PTPRE: variants seen among roughly 807,000 people sequenced by gnomAD.
PTPRE encodes the protein receptor-type tyrosine-protein phosphatase epsilon.
Under a neutral mutation model 102.0 loss-of-function variants are expected in PTPRE, and 51 were observed. The ratio of observed to expected loss-of-function variants is 0.50; its 90% confidence interval spans 0.40 to 0.63. PTPRE has a LOEUF of 0.63. Ranked by LOEUF, PTPRE falls within the 30% of genes least tolerant of loss-of-function variation. PTPRE has a pLI of 0.00. For synonymous variants in PTPRE, 345 were observed against 348.2 expected (o/e 0.99, Z 0.10); for missense variants, 752 against 915.1 (o/e 0.82, Z 2.30).
chr10:128,077,832 C>A (rs753795577), intron 19 of PTPRE, 49 bp downstream of exon 19: 1 of 1,536,460 alleles, frequency 6.5e-7, no homozygotes, highest in Non-Finnish European at 8.8e-7. Context: ...ACAGGCTGCA[C>A]CCCCCCAGTA....
rs1472822076 is a variant in PTPRE, at chr10:128,047,750, C to T, written c.210-14C>T. On this transcript the variant is annotated splice_polypyrimidine_tract_variant and intron_variant, in intron 4 of 20. Coordinates refer to ENST00000254667, the MANE Select transcript of PTPRE (RefSeq NM_006504.6). The stretch of plus-strand genomic sequence containing the variant: ...CTAGAAGTGTGGAAACCTAACGCAT[C>T]CTGTGTCTCTAAGGTTCAGGAAGCA... 6.2e-7 allele frequency: 1 copy of T among 1,611,828 alleles called. No homozygotes were observed. The highest frequency in any genetic ancestry group is 2.2e-5 in the East Asian group (1 of 44,778).
At chr10:128,082,070 A>G (rs1026484503) in intron 20 of PTPRE, among the ~76,000 whole-genome samples, 2 of 152,164 alleles carry the variant, frequency 1.3e-5, no homozygotes, top group African/African-American at 2.4e-5. Context: ...TATATATAAA[A>G]CAATGTCCCT....
rs1312075473 is a variant in PTPRE, at chr10:127,907,963, A to C, written c.-31+654A>C. Among the ~76,000 whole-genome samples the C allele has an allele frequency of 6.6e-6, 1 of 152,158 alleles. No individual in the cohort carries two copies. The highest frequency in any genetic ancestry group is 1.9e-4 in the East Asian group (1 of 5,164). On this transcript the variant is annotated intron_variant, in intron 1 of 20. Transcript: ENST00000254667. This position sits in a 1 kb window ranked among gnomAD's most constrained non-coding sequence, Gnocchi z 4.8. ...GACCTCACAGGGCTCCTGAGCACAG[A>C]TGCGAGCGCGGTGCCAATTCTGAGA...
At chr10:128,062,668 A>G (rs144318251) in intron 9 of PTPRE, among the ~76,000 whole-genome samples, 48 of 152,340 alleles carry the variant, frequency 3.2e-4, no homozygotes, top group African/African-American at 1.1e-3. Flanking sequence ...ACTTTAGCTC[A>G]TATCGTATTG....
chr10:127,951,803 T>TG (rs1369391925), intron 1 of PTPRE, among the ~76,000 whole-genome samples: 3 of 152,252 alleles, frequency 2.0e-5, no homozygotes, highest in Non-Finnish European at 4.4e-5. Flanking sequence ...ACTTGAAAGA[T>TG]GCAGGAATGG....
At chr10:128,074,589 C>T (rs1851063534) in intron 17 of PTPRE, among the ~76,000 whole-genome samples, 1 of 152,056 alleles carries the variant, frequency 6.6e-6, no homozygotes, top group African/African-American at 2.4e-5. Context: ...ATCGCTTGAA[C>T]CTGGGAGGCA....
chr10:128,052,921 G>A (rs1312022621), intron 6 of PTPRE, among the ~76,000 whole-genome samples: 1 of 152,194 alleles, frequency 6.6e-6, no homozygotes, highest in African/African-American at 2.4e-5. Context: ...ACCGAGCGGA[G>A]AGAGAAAGGA....
At chr10:128,041,864 C>T (rs1395186802) in intron 3 of PTPRE, among the ~76,000 whole-genome samples, 1 of 152,010 alleles carries the variant, frequency 6.6e-6, no homozygotes, top group African/African-American at 2.4e-5. Context: ...AAGAGCCCCA[C>T]ATGATTCCCT....
chr10:128,066,128 C>T lies in PTPRE; in HGVS notation c.777C>T (p.Ile259=), dbSNP rs1188277499. The change falls in exon 11 of 21, where the codon ATC becomes ATT. Residue 259 remains isoleucine, a synonymous_variant. Transcript: ENST00000254667. ...PDQGCWTYGN[I]RVCVEDCVVL... ...AAGGCTGCTGGACCTATGGAAACAT[C>T]CGGGTGTGCGTGGAGGACTGCGTGG... 1 of 1,614,102 alleles carries T rather than the reference C, an allele frequency of 6.2e-7. No individual in the cohort carries two copies. The highest frequency in any genetic ancestry group is 8.5e-7 in the Non-Finnish European group (1 of 1,180,046).
intron 2 of PTPRE, among the ~76,000 whole-genome samples, chr10:127,995,468 G>C (rs947312821): frequency 2.3e-4 from 35 of 152,064 alleles, no homozygotes; most frequent in African/African-American, 8.2e-4. Context: ...AGGAGGAGTG[G>C]GATCTGGATC....
At chr10:128,025,150 T>C (rs1332777731) in intron 2 of PTPRE, among the ~76,000 whole-genome samples, 1 of 92,260 alleles carries the variant, frequency 1.1e-5, no homozygotes, top group African/African-American at 4.6e-5. Flanking sequence ...CAGAATGAGA[T>C]CCTGTCTCAA....
intron 7 of PTPRE, among the ~76,000 whole-genome samples, chr10:128,060,633 T>C (rs10764742): frequency 0.84 from 127,541 of 152,176 alleles, 53,856 homozygotes; most frequent in African/African-American, 0.93. Flanking sequence ...CACATTCTGC[T>C]ATTCTTGCTA....
intron 2 of PTPRE, among the ~76,000 whole-genome samples, chr10:128,004,863 G>A (rs747315325): frequency 2.0e-5 from 3 of 152,148 alleles, no homozygotes; most frequent in Admixed American, 6.5e-5. Flanking sequence ...AATGTCTGGG[G>A]GTTCTAATTC....
chr10:128,035,727 C>T lies in PTPRE; in HGVS notation c.-7-5148C>T, dbSNP rs961777627. Among the ~76,000 whole-genome samples, 144 of 152,314 alleles carry T rather than the reference C, an allele frequency of 9.5e-4. 2 individuals are homozygous for T. The highest frequency in any genetic ancestry group is 4.4e-4 in the Non-Finnish European group (30 of 68,030). On this transcript the variant is annotated intron_variant, in intron 2 of 20. Transcript: ENST00000254667. ...TCAGTCCACTGCTGGACATCCTGGG[C>T]CAGCTGGAAAGGGCACTTTCGGGTT...
intron 2 of PTPRE, among the ~76,000 whole-genome samples, chr10:128,022,474 C>T (rs1055791133): frequency 2.0e-5 from 3 of 152,230 alleles, no homozygotes; most frequent in African/African-American, 7.2e-5. Flanking sequence ...TTGGAATCGA[C>T]GGCCCAGGGC....
intron 1 of PTPRE, among the ~76,000 whole-genome samples, chr10:127,940,012 G>T (rs1469047500): frequency 6.6e-6 from 1 of 151,356 alleles, no homozygotes; most frequent in East Asian, 2.0e-4. Context: ...AGAGGCAGGT[G>T]CAGGCAGGTA....
chr10:128,059,475 G>A (rs530696964), intron 7 of PTPRE, among the ~76,000 whole-genome samples: 65 of 152,270 alleles, frequency 4.3e-4, no homozygotes, highest in African/African-American at 1.4e-3. Flanking sequence ...GGGGCTGCCC[G>A]GCTCCCCATC....
At chr10:128,067,985 G>C (rs1850420750) in intron 11 of PTPRE, 138 bp from the exon 12 acceptor site, 1 of 956,396 alleles carries the variant, frequency 1.0e-6, no homozygotes, top group African/African-American at 1.6e-5. Flanking sequence ...TCTGGCTCAG[G>C]CAGGCCCTCT....
At chr10:127,911,429 G>A (rs186276311) in intron 1 of PTPRE, among the ~76,000 whole-genome samples, 13 of 152,262 alleles carry the variant, frequency 8.5e-5, no homozygotes, top group Non-Finnish European at 1.3e-4. Context: ...AAAAGCAAAC[G>A]AAACCCACCC....
Sources: gnomAD v4.1 joint callset for allele counts (sites outside exome capture counted in the v4.1 genomes callset) on GRCh38, gnomAD v4.1.1 for gene constraint, Gnocchi (gnomAD v3.1) non-coding constraint, MANE v1.5 for transcripts, NCBI Gene and HGNC (gene_info 2026-07-23, HGNC 2026-07-21) for gene names.